Variants in FZD4 observed in about 807,000 individuals in gnomAD.
FZD4 encodes the protein frizzled class receptor 4, also known as frizzled-4.
A neutral mutation model predicts 37.3 loss-of-function variants in FZD4; 16 were observed. That is an observed-to-expected ratio of 0.43 (90% confidence interval 0.29 to 0.65). The LOEUF (loss-of-function observed/expected upper bound fraction) is 0.65. Ranked by LOEUF, FZD4 falls within the 30% of genes least tolerant of loss-of-function variation. The pLI is 0.16. For synonymous variants in FZD4, 246 were observed against 254.8 expected (o/e 0.97, Z 0.33); for missense variants, 599 against 674.3 (o/e 0.89, Z 1.24).
At position 86,946,370 on chromosome 11, in the gene FZD4, A is replaced by G. The variant is rs1379955333; in HGVS notation, c.*4772T>C. On this transcript the variant is annotated 3_prime_UTR_variant, in exon 2 of 2. Coordinates refer to ENST00000531380, the MANE Select transcript of FZD4 (RefSeq NM_012193.4). ...AAGGAGGTTTAAAAGCTTTGAGGAC[A>G]TGGCTCATATAGGACCCCAAAAAGG... The G allele has an allele frequency of 6.6e-6, 1 of 152,186 alleles. No homozygotes were observed. The highest frequency in any genetic ancestry group is 1.5e-5 in the Non-Finnish European group (1 of 68,054). 9.4% of individuals were successfully genotyped at this position (152,186 alleles called of 1,614,324 possible).
rs143757970 is a variant in FZD4, at chr11:86,951,951, A to G, written c.805T>C (p.Tyr269His). The G allele has an allele frequency of 4.3e-6, 7 of 1,613,780 alleles. No individual in the cohort carries two copies. In the African/African-American group the frequency reaches 9.3e-5, roughly 22 times the overall value. ...CGGCCTACAGTCAGCCTGACAATATAAGCAATGCTATAAATATTATAGCAC... is the reference window on the plus strand; with the variant it reads ...CGGCCTACAGTCAGCCTGACAATATGAGCAATGCTATAAATATTATAGCAC... ...SMCYNIYSIAYIVRLTVGRER... is the reference protein window; with the variant it reads ...SMCYNIYSIAHIVRLTVGRER... The change falls in exon 2 of 2, where the codon TAT becomes CAT. Residue 269 changes from tyrosine (Y) to histidine (H), a missense_variant. By Grantham distance (83) the Tyr-to-His change is moderately conservative. Coordinates refer to ENST00000531380, the MANE Select transcript of FZD4 (RefSeq NM_012193.4).
Position 86,950,144 on chromosome 11 carries a change from G to C in FZD4, c.*998C>G, listed in dbSNP as rs954964899. 5.9e-5 allele frequency: 9 copies of C among 152,650 alleles called. No homozygotes were observed. Among genetic ancestry groups the C allele is most frequent in the African/African-American group, 1.9e-4 (8 of 41,466 alleles). The allele number at this position is 152,650 out of a possible 1,614,324, so 9.5% of individuals were successfully genotyped here. A position where few individuals can be genotyped will look rare whatever the true frequency, so the allele number is the denominator to read the frequency against. ...CAAAAATTACACAGCTAATCTGTGT[G>C]AATGCAAAGTTGCCAAGAAACTTAA... On this transcript the variant is annotated 3_prime_UTR_variant, in exon 2 of 2. Transcript: ENST00000531380.
In FZD4 at chr11:86,950,664, C is replaced by T. The variant is rs1708378739; in HGVS notation, c.*478G>A. ...CAGCCAAACTATAAAACTCTTGTAACACTTTTCTGAACCCAGCGTTTCCAG... is the reference window on the plus strand; with the variant it reads ...CAGCCAAACTATAAAACTCTTGTAATACTTTTCTGAACCCAGCGTTTCCAG... On this transcript the variant is annotated 3_prime_UTR_variant, in exon 2 of 2. Coordinates refer to ENST00000531380, the MANE Select transcript of FZD4 (RefSeq NM_012193.4). The T allele has an allele frequency of 5.1e-6, 1 of 195,768 alleles. No homozygotes were observed. The highest frequency in any genetic ancestry group is 1.1e-5 in the Non-Finnish European group (1 of 93,584). The allele number at this position is 195,768 out of a possible 1,614,324, so 12.1% of individuals were successfully genotyped here. A position where few individuals can be genotyped will look rare whatever the true frequency, so the allele number is the denominator to read the frequency against.
chr11:86,953,873 C>T (rs905711588), intron 1 of FZD4, among the ~76,000 whole-genome samples: 2 of 152,186 alleles, frequency 1.3e-5, no homozygotes, highest in African/African-American at 4.8e-5. Context: ...CCTCGGCCTC[C>T]CAAAGTGCTG....
rs917305443 is a variant in FZD4, at chr11:86,947,301, A to G, written c.*3841T>C. 3 of 156,476 alleles carry G rather than the reference A, an allele frequency of 1.9e-5. No homozygotes were observed. Among genetic ancestry groups the G allele is most frequent in the Non-Finnish European group, 4.2e-5 (3 of 70,764 alleles). 9.7% of individuals were successfully genotyped at this position (156,476 alleles called of 1,614,324 possible). On this transcript the variant is annotated 3_prime_UTR_variant, in exon 2 of 2. Coordinates refer to ENST00000531380, the MANE Select transcript of FZD4 (RefSeq NM_012193.4). Reference sequence around the variant, plus strand: ...CCCTTCCCTAACTGCAGCTGTGGTCACCTCACCAGAAATCAAATACTGCAC... The same window carrying G: ...CCCTTCCCTAACTGCAGCTGTGGTCGCCTCACCAGAAATCAAATACTGCAC...
chr11:86,955,385 G>A lies in FZD4; in HGVS notation c.-300C>T. 3.5e-6 allele frequency: 1 copy of A among 282,416 alleles called. No individual in the cohort carries two copies. Among genetic ancestry groups the A allele is most frequent in the Non-Finnish European group, 6.6e-6 (1 of 152,508 alleles). 17.5% of individuals were successfully genotyped at this position (282,416 alleles called of 1,614,324 possible). On this transcript the variant is annotated 5_prime_UTR_variant, in exon 1 of 2. Coordinates refer to ENST00000531380, the MANE Select transcript of FZD4 (RefSeq NM_012193.4). ...GCGAGGCCAGCCAGCAGCCAGCGCT[G>A]CGCAGCTCTCACCGCCGGAGCCCTG... is the stretch of plus-strand genomic sequence containing the variant.
In FZD4 at chr11:86,951,129, A is replaced by T; in HGVS notation, c.*13T>A. 6.2e-7 allele frequency: 1 copy of T among 1,613,508 alleles called. No homozygotes were observed. Among genetic ancestry groups the T allele is most frequent in the African/African-American group, 1.3e-5 (1 of 75,044 alleles). ...CCCCTTCAAAATGAAGAAAGCATGG[A>T]GGCTGACTAGCCTTATACCACAGTC... On this transcript the variant is annotated 3_prime_UTR_variant, in exon 2 of 2. Transcript: ENST00000531380.
rs1264909528 is a variant in FZD4 at position 86,955,322 on chromosome 11, C to T, written c.-237G>A. On this transcript the variant is annotated 5_prime_UTR_variant, in exon 1 of 2. Transcript: ENST00000531380. Reference sequence around the variant, plus strand: ...AGGGTCATGGCTGCAGGCGGCGAGCCCACAAGCCGGCGCCGGCCGCGTCCG... The same window carrying T: ...AGGGTCATGGCTGCAGGCGGCGAGCTCACAAGCCGGCGCCGGCCGCGTCCG... 5.0e-6 allele frequency: 2 copies of T among 402,258 alleles called. No individual in the cohort carries two copies. The highest frequency in any genetic ancestry group is 8.7e-6 in the Non-Finnish European group (2 of 229,546). The allele number at this position is 402,258 out of a possible 1,614,324, so 24.9% of individuals were successfully genotyped here.
rs1949245921 is a variant in FZD4, at chr11:86,946,724, G to A, written c.*4418C>T. On this transcript the variant is annotated 3_prime_UTR_variant, in exon 2 of 2. Transcript: ENST00000531380. Reference sequence around the variant, plus strand: ...CCAAGATCTATGATCTAACCCTGGAGGAAAAGTGATAACCCAGGTCATTTG... The same window carrying A: ...CCAAGATCTATGATCTAACCCTGGAAGAAAAGTGATAACCCAGGTCATTTG... 2 of 152,566 alleles carry A rather than the reference G, an allele frequency of 1.3e-5. No homozygotes were observed. Among genetic ancestry groups the A allele is most frequent in the Non-Finnish European group, 2.9e-5 (2 of 68,046 alleles). The allele number at this position is 152,566 out of a possible 1,614,324, so 9.5% of individuals were successfully genotyped here. A position where few individuals can be genotyped will look rare whatever the true frequency, so the allele number is the denominator to read the frequency against.
In FZD4 at chr11:86,954,993, C is replaced by T. The variant is rs150941414; in HGVS notation, c.93G>A (p.Leu31=). Residue 31 remains leucine, a synonymous_variant, in exon 1 of 2, where the codon CTG becomes CTA. Transcript: ENST00000531380. ...LGLLLQLLLL[L]GPARGFGDEE... is the part of the protein sequence containing the mutation. ...CGTCCCCGAAGCCCCGCGCCGGCCC[C>T]AGGAGCAGCAGCAACTGCAGGAGCA... is the stretch of plus-strand genomic sequence containing the variant. The T allele has an allele frequency of 4.3e-6, 7 of 1,612,510 alleles. No homozygotes were observed. In the African/African-American group the frequency reaches 5.3e-5, roughly 12 times the overall value.
At chr11:86,952,581 T>A (rs1437002319) in intron 1 of FZD4, 111 bp from the exon 2 acceptor site, 2 of 1,198,282 alleles carry the variant, frequency 1.7e-6, no homozygotes, top group Admixed American at 3.4e-5. Context: ...GGTATCTACT[T>A]TTAAACCAAC....
At chr11:86,952,569 T>C (rs1370133433) in intron 1 of FZD4, 99 bp from the exon 2 acceptor site, 1 of 1,356,446 alleles carries the variant, frequency 7.4e-7, no homozygotes, top group East Asian at 2.3e-5. Flanking sequence ...CCAGGCAATC[T>C]AGGTATCTAC....
rs1337951190 is a variant in FZD4 at position 86,951,303 on chromosome 11, A to G, written c.1453T>C (p.Leu485=). ...ATGCCTGAAGTGATGCCCACCAACA[A>G]AGACATAAAAATTTTCAACATTTCA... ...AVEMLKIFMS[L]LVGITSGMWI... Residue 485 remains leucine (L), a synonymous_variant, in exon 2 of 2, where the codon TTG becomes CTG. Transcript: ENST00000531380. 1.9e-6 allele frequency: 3 copies of G among 1,614,206 alleles called. No individual in the cohort carries two copies. The highest frequency in any genetic ancestry group is 1.1e-5 in the South Asian group (1 of 91,086).
In FZD4 at chr11:86,955,336, C is replaced by A; in HGVS notation, c.-251G>T. On this transcript the variant is annotated 5_prime_UTR_variant, in exon 1 of 2. Transcript: ENST00000531380. Reference sequence around the variant, plus strand: ...AGGCGGCGAGCCCACAAGCCGGCGCCGGCCGCGTCCGTTCGGCGTCTCCGC... The same window carrying A: ...AGGCGGCGAGCCCACAAGCCGGCGCAGGCCGCGTCCGTTCGGCGTCTCCGC... 1 of 380,620 alleles carries A rather than the reference C, an allele frequency of 2.6e-6. No homozygotes were observed. The allele number at this position is 380,620 out of a possible 1,614,324, so 23.6% of individuals were successfully genotyped here. A position where few individuals can be genotyped will look rare whatever the true frequency, so the allele number is the denominator to read the frequency against.
rs34325935 is a variant in FZD4, at chr11:86,947,201, TCAAACAAACAAACAAA to T, written c.*3925_*3940del. Reference sequence around the variant, plus strand: ...CTGGGTGACAGAGCAAGACCCTGTCTCAAACAAACAAACAAACAAACAAACAAACAAACAACAAAAA... The same window carrying T: ...CTGGGTGACAGAGCAAGACCCTGTCTCAAACAAACAAACAAACAACAAAAA... On this transcript the variant is annotated 3_prime_UTR_variant, in exon 2 of 2. Transcript: ENST00000531380. The T allele has an allele frequency of 0.042, 6,909 of 165,418 alleles. 211 individuals carry two copies. The highest frequency in any genetic ancestry group is 0.059 in the Non-Finnish European group (4,579 of 77,470). The allele number at this position is 165,418 out of a possible 1,614,324, so 10.2% of individuals were successfully genotyped here.
rs766393047 is a variant in FZD4 at position 86,955,054 on chromosome 11, G to A, written c.32C>T (p.Pro11Leu). 3.1e-6 allele frequency: 5 copies of A among 1,597,082 alleles called. No individual in the cohort carries two copies. The highest frequency in any genetic ancestry group is 4.3e-6 in the Non-Finnish European group (5 of 1,173,634). Reference sequence around the variant, plus strand: ...GAGACCGACGCCCCCGGGCGCCCCCGGGACGCTCGGCCCTGCGCCCCGCCA... The same window carrying A: ...GAGACCGACGCCCCCGGGCGCCCCCAGGACGCTCGGCCCTGCGCCCCGCCA... MAWRGAGPSVPGAPGGVGLSL... is the reference protein window; with the variant it reads MAWRGAGPSVLGAPGGVGLSL... Residue 11 changes from proline to leucine, a missense_variant, in exon 1 of 2, where the codon CCG (proline) becomes CTG (leucine). Physicochemically the swap from Pro to Leu is moderately conservative, Grantham distance 98. Around this residue, in one of 3 missense-constraint regions of FZD4, gnomAD observed 357 missense variants for 396.1 expected, o/e 0.90. Transcript: ENST00000531380.
chr11:86,947,227 AAACAAACAAC>A lies in FZD4; in HGVS notation c.*3905_*3914del. 1 of 172,288 alleles carries A rather than the reference AAACAAACAAC, an allele frequency of 5.8e-6. No homozygotes were observed. The highest frequency in any genetic ancestry group is 1.2e-5 in the Non-Finnish European group (1 of 81,566). 10.7% of individuals were successfully genotyped at this position (172,288 alleles called of 1,614,324 possible). Reference sequence around the variant, plus strand: ...CAAACAAACAAACAAACAAACAAACAAACAAACAACAAAAAAAAGGTTCCTTCCAAAGTCT... The same window carrying A: ...CAAACAAACAAACAAACAAACAAACAAAAAAAAAGGTTCCTTCCAAAGTCT... On this transcript the variant is annotated 3_prime_UTR_variant, in exon 2 of 2. Coordinates refer to ENST00000531380, the MANE Select transcript of FZD4 (RefSeq NM_012193.4).
Position 86,954,937 on chromosome 11 carries a change from A to G in FZD4, c.149T>C (p.Ile50Thr), listed in dbSNP as rs1457556917. The G allele has an allele frequency of 1.2e-6, 2 of 1,613,386 alleles. No homozygotes were observed. Among genetic ancestry groups the G allele is most frequent in the Admixed American group, 3.3e-5 (2 of 60,004 alleles). The change falls in exon 1 of 2, where the codon ATC (isoleucine) becomes ACC (threonine). Residue 50 changes from isoleucine to threonine, a missense_variant. Physicochemically the swap from Ile to Thr is moderately conservative, Grantham distance 89. Transcript: ENST00000531380. ...GTAGCCGAGGTTCTGGCACATGGAG[A>G]TGCGGATGGGGTCGCAGCGCCGCTC... is the stretch of plus-strand genomic sequence containing the variant. ...EEERRCDPIR[I>T]SMCQNLGYNV...
Position 86,954,890 on chromosome 11 carries a change from G to A in FZD4, c.196C>T (p.Leu66=), listed in dbSNP as rs1327032355. 10 of 1,613,618 alleles carry A rather than the reference G, an allele frequency of 6.2e-6. No individual in the cohort carries two copies. Among genetic ancestry groups the A allele is most frequent in the East Asian group, 2.2e-5 (1 of 44,838 alleles). Residue 66 remains leucine (L), a synonymous_variant, in exon 1 of 2, where the codon CTG becomes TTG. Coordinates refer to ENST00000531380, the MANE Select transcript of FZD4 (RefSeq NM_012193.4). Reference sequence around the variant, plus strand: ...TCCGTCTGCAGCTCGTGCCCAACCAGGTTGGGCATCTTGGTCACGTTGTAG... The same window carrying A: ...TCCGTCTGCAGCTCGTGCCCAACCAAGTTGGGCATCTTGGTCACGTTGTAG... ...LGYNVTKMPN[L]VGHELQTDAE...
Sources: allele counts gnomAD v4.1 joint callset (sites outside exome capture counted in the v4.1 genomes callset), GRCh38; gene constraint gnomAD v4.1.1; regional missense constraint gnomAD v4.1.1; transcripts MANE v1.5; gene names NCBI Gene and HGNC (gene_info 2026-07-23, HGNC 2026-07-21).